The following KLHL14 variants were observed in gnomAD, a reference collection of about 807,000 sequenced individuals.
KLHL14 encodes kelch-like protein 14.
In KLHL14, 22 loss-of-function variants were observed where a neutral mutation model predicts 64.3. The observed-to-expected ratio is 0.34, with a 90% CI of 0.24 to 0.49. KLHL14 has a LOEUF of 0.49. Ranked by LOEUF, KLHL14 falls within the 20% of genes least tolerant of loss-of-function variation. The probability of loss-of-function intolerance (pLI) is 0.99; values close to 1 mark genes in which losing one functional copy is unlikely to be tolerated. For missense variants in KLHL14, 661 were observed against 789.0 expected, an observed-to-expected ratio of 0.84 and a Z score of 1.94; for synonymous variants, 322 against 333.4, an observed-to-expected ratio of 0.97 and a Z score of 0.37.
At chr18:32,715,256 C>A (rs568143062) in intron 3 of KLHL14, among the ~76,000 whole-genome samples, 10 of 152,220 alleles carry the variant, frequency 6.6e-5, no homozygotes, top group African/African-American at 2.2e-4. Context: ...CTATAAGCAA[C>A]TTTGATCCAT....
intron 3 of KLHL14, among the ~76,000 whole-genome samples, chr18:32,709,838 A>G (rs929563205): frequency 6.6e-5 from 10 of 152,232 alleles, no homozygotes; most frequent in Admixed American, 6.5e-4. Flanking sequence ...TTAAAGTGAT[A>G]TAGAATTGGA....
Position 32,674,473 on chromosome 18 carries a change from G to A in KLHL14, c.*184C>T. On this transcript the variant is annotated 3_prime_UTR_variant, in exon 9 of 9. Coordinates refer to ENST00000359358, the MANE Select transcript of KLHL14 (RefSeq NM_020805.3). ...CCACAGGAAGTTTGGTGCGATCTGA[G>A]TTATAGACATAGTATCTGTTCAAGA... 1.9e-6 allele frequency: 1 copy of A among 534,004 alleles called. No homozygotes were observed. The highest frequency in any genetic ancestry group is 3.4e-6 in the Non-Finnish European group (1 of 295,228). The allele number at this position is 534,004 out of a possible 1,614,324, so 33.1% of individuals were successfully genotyped here.
rs1368194633 is a variant in KLHL14, at chr18:32,687,266, AG to A, written c.1160-34del. On this transcript the variant is annotated intron_variant, in intron 4 of 8. Transcript: ENST00000359358. ...AATGCATTCGAGACATTTAAAACTT[AG>A]ATTCTTTTGTTGATTTGCACATGTA... 3 of 1,549,902 alleles carry A rather than the reference AG, an allele frequency of 1.9e-6. No homozygotes were observed. The South Asian group carries it at 3.3e-5, about 17-fold the overall frequency.
intron 1 of KLHL14, chr18:32,772,209 T>C (rs1426016401): frequency 5.0e-6 from 2 of 397,950 alleles, no homozygotes; most frequent in South Asian, 1.8e-5. Flanking sequence ...CTGCCCTGCC[T>C]GGCGCCGGTC....
At chr18:32,721,736 C>T (rs1240819906) in intron 3 of KLHL14, among the ~76,000 whole-genome samples, 1 of 152,126 alleles carries the variant, frequency 6.6e-6, no homozygotes, top group Admixed American at 6.5e-5. Context: ...ATATTTAATT[C>T]TCCAGTGTAA....
chr18:32,727,415 C>T (rs2050113482), intron 3 of KLHL14, among the ~76,000 whole-genome samples: 1 of 152,180 alleles, frequency 6.6e-6, no homozygotes. Flanking sequence ...ATTAAAGATA[C>T]ATTTAAATTA....
chr18:32,732,755 T>C (rs1215040194), intron 3 of KLHL14, among the ~76,000 whole-genome samples: 5 of 152,216 alleles, frequency 3.3e-5, no homozygotes, highest in Admixed American at 2.6e-4. Context: ...GATTTGGGAT[T>C]GTTGTCACCG....
At chr18:32,743,283 A>T (rs1327746616) in intron 2 of KLHL14, 1 of 152,254 alleles carries the variant, frequency 6.6e-6, no homozygotes, top group Non-Finnish European at 1.5e-5. Context: ...CTATGATTAC[A>T]TATTCAGCTC....
chr18:32,759,598 T>C (rs1442492145), intron 2 of KLHL14, among the ~76,000 whole-genome samples: 1 of 152,160 alleles, frequency 6.6e-6, no homozygotes, highest in African/African-American at 2.4e-5. Flanking sequence ...GAGAAGCAGC[T>C]TGTAAGTGGT....
chr18:32,735,964 A>G (rs1024357239), intron 3 of KLHL14, among the ~76,000 whole-genome samples: 14 of 152,160 alleles, frequency 9.2e-5, no homozygotes, highest in Non-Finnish European at 2.1e-4. Flanking sequence ...TTAGTCTGTA[A>G]TTTGCCCAGG....
intron 3 of KLHL14, among the ~76,000 whole-genome samples, chr18:32,712,530 G>A (rs1049674417): frequency 3.3e-5 from 5 of 152,062 alleles, no homozygotes; most frequent in Non-Finnish European, 7.4e-5. Context: ...ATTTTATTAT[G>A]TCTTGCGTCA....
intron 2 of KLHL14, among the ~76,000 whole-genome samples, chr18:32,754,073 A>G (rs11660243): frequency 0.27 from 41,145 of 152,144 alleles, 6,139 homozygotes; most frequent in Middle Eastern, 0.37. Flanking sequence ...GACAACCAAC[A>G]TGTGTGTGAC....
intron 5 of KLHL14, among the ~76,000 whole-genome samples, chr18:32,682,449 A>T (rs1378404749): frequency 6.6e-6 from 1 of 152,208 alleles, no homozygotes; most frequent in Non-Finnish European, 1.5e-5. Flanking sequence ...AACCAGGTCC[A>T]TGTCTTCTGT....
intron 2 of KLHL14, among the ~76,000 whole-genome samples, chr18:32,760,696 T>C (rs561761795): frequency 1.3e-5 from 2 of 152,228 alleles, no homozygotes; most frequent in Non-Finnish European, 2.9e-5. Flanking sequence ...GACATATGCA[T>C]GTGAAAGGCT....
chr18:32,702,774 C>A (rs188028893), intron 3 of KLHL14, among the ~76,000 whole-genome samples: 3 of 152,160 alleles, frequency 2.0e-5, no homozygotes. Flanking sequence ...TATGAGTTGG[C>A]AAATGTTCTG....
intron 3 of KLHL14, among the ~76,000 whole-genome samples, chr18:32,733,523 T>G (rs938807308): frequency 1.3e-5 from 2 of 152,112 alleles, no homozygotes; most frequent in African/African-American, 4.8e-5. Context: ...CAGCAAAGTT[T>G]TCTTGAGAGT....
chr18:32,771,020 C>G, intron 1 of KLHL14: 1 of 367,858 alleles, frequency 2.7e-6, no homozygotes. Flanking sequence ...GGCTCGTGTC[C>G]ATGCCGGGCC....
chr18:32,763,751 A>G (rs150777778), intron 2 of KLHL14, among the ~76,000 whole-genome samples: 240 of 152,312 alleles, frequency 1.6e-3, no homozygotes, highest in African/African-American at 5.4e-3. Flanking sequence ...GATTCACACT[A>G]TACTGCACCA....
intron 3 of KLHL14, among the ~76,000 whole-genome samples, chr18:32,720,468 A>G (rs1158458173): frequency 6.6e-6 from 1 of 152,128 alleles, no homozygotes; most frequent in African/African-American, 2.4e-5. Context: ...ATGGGTTCAA[A>G]GGCAAGGTAA....
Sources: allele counts gnomAD v4.1 joint callset (sites outside exome capture counted in the v4.1 genomes callset), GRCh38; gene constraint gnomAD v4.1.1; transcripts MANE v1.5; gene names NCBI Gene and HGNC (gene_info 2026-07-23, HGNC 2026-07-21).